The following LANCL1 variants were observed in gnomAD, a reference collection of about 807,000 sequenced individuals.
LANCL1 encodes the protein LanC like glutathione S-transferase 1.
A neutral mutation model predicts 50.6 loss-of-function variants in LANCL1; 50 were observed. The observed-to-expected ratio is 0.99, with a 90% confidence interval of 0.79 to 1.25. The LOEUF (loss-of-function observed/expected upper bound fraction) is 1.25. LANCL1 is among the 50% of genes most tolerant of loss of function. LANCL1 has a pLI of 0.00. For synonymous variants in LANCL1, 188 were observed against 178.6 expected, an observed-to-expected ratio of 1.05 and a Z score of -0.42; for missense variants, 532 against 480.7, an observed-to-expected ratio of 1.11 and a Z score of -1.00.
At chr2:210,470,768 A>G (rs1404386922) in intron 3 of LANCL1, among the ~76,000 whole-genome samples, 1 of 152,206 alleles carries the variant, frequency 6.6e-6, no homozygotes, top group South Asian at 2.1e-4. Flanking sequence ...CATCTGCATC[A>G]GGACCACTGA....
In LANCL1 at chr2:210,432,186, T is replaced by C. The variant is rs1286944248; in HGVS notation, c.*2301A>G. On this transcript the variant is annotated 3_prime_UTR_variant, in exon 10 of 10. Transcript: ENST00000450366. ...TTGTTAGGGGATTGTCTCAGCGTTG[T>C]AGGCTTTGCCTGAATTTAAAATCCC... 1 of 152,256 alleles carries C rather than the reference T, an allele frequency of 6.6e-6. No homozygotes were observed. Among genetic ancestry groups the C allele is most frequent in the African/African-American group, 2.4e-5 (1 of 41,478 alleles). The allele number at this position is 152,256 out of a possible 1,614,324, so 9.4% of individuals were successfully genotyped here.
At chr2:210,466,607 T>C (rs1270119705) in intron 3 of LANCL1, among the ~76,000 whole-genome samples, 2 of 152,214 alleles carry the variant, frequency 1.3e-5, no homozygotes, top group Non-Finnish European at 2.9e-5. Context: ...TCCTGCCTTG[T>C]GGCTGACCAA....
chr2:210,441,209 T>C, intron 5 of LANCL1, 99 bp downstream of exon 5: 1 of 1,206,510 alleles, frequency 8.3e-7, no homozygotes, highest in Non-Finnish European at 1.2e-6. Context: ...CCTTCCTTTA[T>C]ATGGAATGTG....
At chr2:210,459,499 C>A (rs1489583828) in intron 3 of LANCL1, among the ~76,000 whole-genome samples, 1 of 152,062 alleles carries the variant, frequency 6.6e-6, no homozygotes, top group Non-Finnish European at 1.5e-5. Context: ...AAAGTAAACA[C>A]AATTTAAAAT....
In LANCL1 at chr2:210,451,467, TATA is replaced by T. The variant is rs1693509200; in HGVS notation, c.407+3637_407+3639del. 4.6e-5 allele frequency among the ~76,000 whole-genome samples: 7 copies of T among 152,122 alleles called. No individual in the cohort carries two copies. In the South Asian group the frequency reaches 1.5e-3, roughly 32 times the overall value. On this transcript the variant is annotated intron_variant, in intron 4 of 9. Transcript: ENST00000450366. ...TACACATGTACCCCGGAACTCAAAG[TATA>T]ATAACAACAAAAAAGTAGAAGCATA... is the stretch of plus-strand genomic sequence containing the variant.
intron 4 of LANCL1, among the ~76,000 whole-genome samples, chr2:210,448,563 G>T (rs1371552252): frequency 6.6e-6 from 1 of 152,082 alleles, no homozygotes; most frequent in East Asian, 1.9e-4. Flanking sequence ...GTGAATCCCA[G>T]AGTTGGTTTT....
chr2:210,451,999 A>C (rs571518946), intron 4 of LANCL1, among the ~76,000 whole-genome samples: 1 of 152,298 alleles, frequency 6.6e-6, no homozygotes, highest in Non-Finnish European at 1.5e-5. Flanking sequence ...AAAAAGTAGA[A>C]TATAGATTAC....
intron 3 of LANCL1, among the ~76,000 whole-genome samples, chr2:210,464,834 C>T (rs1018860993): frequency 1.2e-4 from 18 of 150,174 alleles, no homozygotes; most frequent in African/African-American, 5.0e-5. Flanking sequence ...GGTGCGGTGG[C>T]GGGCGCCTGT....
At position 210,470,498 on chromosome 2, in the gene LANCL1, G is replaced by C. The variant is rs952282645; in HGVS notation, c.199+1461C>G. Among the ~76,000 whole-genome samples the C allele has an allele frequency of 2.6e-5, 4 of 152,198 alleles. No homozygotes were observed. The South Asian group carries it at 6.2e-4, about 24-fold the overall frequency. ...TGAAATCCTTGGGACAAGTGTTTTG[G>C]ATTTCAAATATTGAAATATTTGGCT... On this transcript the variant is annotated intron_variant, in intron 3 of 9. Coordinates refer to ENST00000450366, the MANE Select transcript of LANCL1 (RefSeq NM_006055.3).
intron 3 of LANCL1, among the ~76,000 whole-genome samples, chr2:210,471,349 C>CT (rs775718998): frequency 1.6e-4 from 25 of 151,944 alleles, no homozygotes; most frequent in Non-Finnish European, 3.4e-4. Context: ...CCAGCCTCTT[C>CT]TTTGATTTTT....
In LANCL1 at chr2:210,463,820, G is replaced by C. The variant is rs563153098; in HGVS notation, c.199+8139C>G. Among the ~76,000 whole-genome samples, 7 of 152,116 alleles carry C rather than the reference G, an allele frequency of 4.6e-5. No individual in the cohort carries two copies. The South Asian group carries it at 1.2e-3, about 27-fold the overall frequency. On this transcript the variant is annotated intron_variant, in intron 3 of 9. Coordinates refer to ENST00000450366, the MANE Select transcript of LANCL1 (RefSeq NM_006055.3). ...AATTCTTCCCTCCTTTCTTTCCCAC[G>C]GTCAGGGCATTTTTACCTCTGCTGT...
rs1413435901 is a variant in LANCL1 at position 210,431,510 on chromosome 2, C to T, written c.*2977G>A. The T allele has an allele frequency of 6.6e-6, 1 of 152,162 alleles. No homozygotes were observed. The highest frequency in any genetic ancestry group is 1.9e-4 in the East Asian group (1 of 5,200). The allele number at this position is 152,162 out of a possible 1,614,324, so 9.4% of individuals were successfully genotyped here. On this transcript the variant is annotated 3_prime_UTR_variant, in exon 10 of 10. Coordinates refer to ENST00000450366, the MANE Select transcript of LANCL1 (RefSeq NM_006055.3). ...ATTCAGTGTAAATAATAAAGGACTA[C>T]AGATGAGTTCTAGCAGCCAAAGGAG...
At chr2:210,455,810 G>GTT (rs60277321) in intron 3 of LANCL1, among the ~76,000 whole-genome samples, 5,523 of 125,852 alleles carry the variant, frequency 0.044, 225 homozygotes, top group African/African-American at 0.11. Context: ...GTGTGTGTGT[G>GTT]TTTTTTTTTT....
At chr2:210,475,795 T>TG (rs1263732285) in intron 2 of LANCL1, among the ~76,000 whole-genome samples, 1 of 152,330 alleles carries the variant, frequency 6.6e-6, no homozygotes, top group East Asian at 1.9e-4. Context: ...TCTTTTTTTT[T>TG]GTTTTCCAGC....
chr2:210,477,381 T>G, upstream of LANCL1: 1 of 402,400 alleles, frequency 2.5e-6, no homozygotes, highest in Non-Finnish European at 3.5e-6. Context: ...ATCCACAACA[T>G]TCAATTTCAA....
At chr2:210,448,603 C>T (rs558961341) in intron 4 of LANCL1, among the ~76,000 whole-genome samples, 40 of 152,204 alleles carry the variant, frequency 2.6e-4, no homozygotes, top group African/African-American at 9.1e-4. Context: ...AGATAGACCA[C>T]TAGCCAGACT....
In LANCL1 at chr2:210,441,385, T is replaced by C. The variant is rs766344149; in HGVS notation, c.466A>G (p.Ile156Val). Residue 156 changes from isoleucine to valine, a missense_variant, in exon 5 of 10, where the codon ATA becomes GTA. Transcript: ENST00000450366. ...HAPNEMLYGR[I>V]GYIYALLFVN... ...AAAAGAAGAGCATAGATGTAGCCTA[T>C]TCGCCCATAGAGCATTTCATTTGGA... is the stretch of plus-strand genomic sequence containing the variant. 11 of 1,612,898 alleles carry C rather than the reference T, an allele frequency of 6.8e-6. No homozygotes were observed. The highest frequency in any genetic ancestry group is 1.3e-5 in the African/African-American group (1 of 74,908).
chr2:210,455,965 A>C (rs1434297973), intron 3 of LANCL1, among the ~76,000 whole-genome samples: 2 of 152,162 alleles, frequency 1.3e-5, no homozygotes, highest in Admixed American at 6.5e-5. Context: ...CTACTTTGGT[A>C]AATGTAATGT....
rs1694373363 is a variant in LANCL1 at position 210,476,364 on chromosome 2, A to T, written c.33T>A (p.Ala11=). 6.2e-7 allele frequency: 1 copy of T among 1,614,012 alleles called. No individual in the cohort carries two copies. The highest frequency in any genetic ancestry group is 1.7e-5 in the Admixed American group (1 of 60,006). Residue 11 remains alanine, a synonymous_variant, in exon 2 of 10, where the codon GCT becomes GCA. Transcript: ENST00000450366. MAQRAFPNPY[A]DYNKSLAEGY... ...CTTCGGCCAGGGATTTGTTATAATC[A>T]GCATAAGGATTCGGGAAGGCCCTTT...
Sources: gnomAD v4.1 joint callset for allele counts (sites outside exome capture counted in the v4.1 genomes callset) on GRCh38, gnomAD v4.1.1 for gene constraint, MANE v1.5 for transcripts, NCBI Gene and HGNC (gene_info 2026-07-23, HGNC 2026-07-21) for gene names.